The following P3H2 variants were observed in gnomAD, a reference collection of about 807,000 sequenced individuals.
P3H2 encodes prolyl 3-hydroxylase 2.
Under a neutral mutation model 87.0 loss-of-function variants are expected in P3H2, and 80 were observed. The ratio of observed to expected loss-of-function variants is 0.92; its 90% CI spans 0.77 to 1.11. P3H2 has a LOEUF of 1.11. Among genes scored for constraint, P3H2 ranks in the 50% least tolerant of loss-of-function variants. The pLI is 0.00. For synonymous variants in P3H2, 367 were observed against 359.3 expected, an observed-to-expected ratio of 1.02 and a Z score of -0.24; for missense variants, 1,001 against 923.9, an observed-to-expected ratio of 1.08 and a Z score of -1.08.
At chr3:190,039,900 T>C (rs1226768999) in intron 1 of P3H2, among the ~76,000 whole-genome samples, 2 of 152,220 alleles carry the variant, frequency 1.3e-5, no homozygotes, top group African/African-American at 4.8e-5. Flanking sequence ...GAATAATGAA[T>C]GCATTAAGCT....
intron 1 of P3H2, among the ~76,000 whole-genome samples, chr3:190,043,753 A>T (rs1459687025): frequency 2.0e-5 from 3 of 152,212 alleles, no homozygotes; most frequent in African/African-American, 7.2e-5. Flanking sequence ...ATTAGAAACA[A>T]TAATGAGAGT....
intron 1 of P3H2, among the ~76,000 whole-genome samples, chr3:190,113,949 G>A (rs1425422005): frequency 6.7e-6 from 1 of 149,950 alleles, no homozygotes; most frequent in Admixed American, 6.6e-5. Flanking sequence ...GCGTGGAGGC[G>A]GGCGCCTGTA....
intron 9 of P3H2, 91 bp downstream of exon 9, chr3:189,974,467 T>C (rs964395560): frequency 8.5e-6 from 13 of 1,537,228 alleles, no homozygotes; most frequent in Non-Finnish European, 1.2e-5. Flanking sequence ...TCAGGGCTTG[T>C]TGTCTGGCTC....
chr3:190,069,426 A>G (rs981136775), intron 1 of P3H2, among the ~76,000 whole-genome samples: 6 of 152,188 alleles, frequency 3.9e-5, no homozygotes, highest in Non-Finnish European at 8.8e-5. Context: ...CTCAGTGTAA[A>G]TCTTATATAT....
chr3:190,117,861 G>A (rs575924873), intron 1 of P3H2, among the ~76,000 whole-genome samples: 1 of 152,254 alleles, frequency 6.6e-6, no homozygotes, highest in South Asian at 2.1e-4. Flanking sequence ...CTTCTTAAGA[G>A]ATTATCAATT....
At chr3:189,993,098 G>T (rs533412326) in intron 3 of P3H2, among the ~76,000 whole-genome samples, 1 of 151,984 alleles carries the variant, frequency 6.6e-6, no homozygotes, top group African/African-American at 2.4e-5. Flanking sequence ...CGAGGTGGGC[G>T]GATTACCTGA....
chr3:190,017,449 A>C (rs1352455526), intron 1 of P3H2, among the ~76,000 whole-genome samples: 3 of 152,350 alleles, frequency 2.0e-5, no homozygotes, highest in Admixed American at 6.5e-5. Context: ...GATGCAAAAG[A>C]ACTGTTGACT....
chr3:190,096,276 G>T (rs3106333), intron 1 of P3H2, among the ~76,000 whole-genome samples: 1 of 152,044 alleles, frequency 6.6e-6, no homozygotes, highest in Non-Finnish European at 1.5e-5. Flanking sequence ...ACTGGAGAAG[G>T]GGCTTGGTGG....
chr3:190,001,404 C>G (rs1426386671), intron 1 of P3H2, among the ~76,000 whole-genome samples: 1 of 152,176 alleles, frequency 6.6e-6, no homozygotes, highest in Non-Finnish European at 1.5e-5. Context: ...CCATTATTCT[C>G]AAACATCAAC....
chr3:189,957,991 G>A lies in P3H2; in HGVS notation c.2048C>T (p.Ala683Val). The change falls in exon 15 of 15, where the codon GCT becomes GTT. Residue 683 changes from alanine (A) to valine (V), a missense_variant. Transcript: ENST00000319332. ...PLYRELERIQ[A>V]DEVIAILDQE... ...ATCCAGAATTGCAATCACTTCATCA[G>A]CCTGTATTCGCTCCTGCAAAAAAGA... The A allele has an allele frequency of 1.2e-6, 2 of 1,612,862 alleles. No homozygotes were observed. Among genetic ancestry groups the A allele is most frequent in the Non-Finnish European group, 1.7e-6 (2 of 1,178,928 alleles).
intron 1 of P3H2, among the ~76,000 whole-genome samples, chr3:190,062,494 G>A (rs922157752): frequency 6.6e-6 from 1 of 152,100 alleles, no homozygotes; most frequent in African/African-American, 2.4e-5. Flanking sequence ...TAAAACTGTG[G>A]CCCATACATT....
At chr3:190,089,275 G>A (rs781410589) in intron 1 of P3H2, among the ~76,000 whole-genome samples, 20 of 152,134 alleles carry the variant, frequency 1.3e-4, no homozygotes, top group Admixed American at 2.6e-4. Context: ...TGTAAATGAC[G>A]AGTTAATGGG....
intron 1 of P3H2, among the ~76,000 whole-genome samples, chr3:190,059,096 T>C (rs529480892): frequency 2.6e-4 from 39 of 152,282 alleles, no homozygotes; most frequent in African/African-American, 8.2e-4. Context: ...GGATGCAGAC[T>C]CAGACAGGCA....
At chr3:190,021,034 C>T (rs1724915290) in intron 1 of P3H2, among the ~76,000 whole-genome samples, 2 of 134,096 alleles carry the variant, frequency 1.5e-5, no homozygotes, top group African/African-American at 5.2e-5. Context: ...ATCTGAGACC[C>T]CAGGACCCTA....
chr3:190,038,503 A>G (rs998123642), intron 1 of P3H2, among the ~76,000 whole-genome samples: 2 of 151,286 alleles, frequency 1.3e-5, no homozygotes, highest in African/African-American at 4.9e-5. Flanking sequence ...AAAAAAAAAA[A>G]AAAAAAAGTG....
chr3:189,986,679 G>A (rs551865985), intron 6 of P3H2, 109 bp downstream of exon 6: 24 of 799,420 alleles, frequency 3.0e-5, no homozygotes, highest in African/African-American at 2.7e-4. Context: ...GGAGGGCATC[G>A]AAATCTTAGC....
chr3:190,064,369 G>T (rs879673988), intron 1 of P3H2, among the ~76,000 whole-genome samples: 3 of 151,918 alleles, frequency 2.0e-5, no homozygotes, highest in Non-Finnish European at 4.4e-5. Context: ...CTTTGTTTCT[G>T]ATCCTTCCTA....
chr3:190,014,152 G>A (rs1724679835), intron 1 of P3H2, among the ~76,000 whole-genome samples: 1 of 152,218 alleles, frequency 6.6e-6, no homozygotes, highest in South Asian at 2.1e-4. Flanking sequence ...AGGAAAAGAT[G>A]TGATTTGAAT....
rs139040438 is a variant in P3H2 at position 190,080,206 on chromosome 3, T to C, written c.480+40046A>G. Among the ~76,000 whole-genome samples the C allele has an allele frequency of 1.1e-4, 16 of 152,222 alleles. No homozygotes were observed. The East Asian group carries it at 3.1e-3, about 29-fold the overall frequency. On this transcript the variant is annotated intron_variant, in intron 1 of 14. Coordinates refer to ENST00000319332, the MANE Select transcript of P3H2 (RefSeq NM_018192.4). ...CAGACACATGTGTGAGCATGATGCA[T>C]TGAGGCAAACCCAGTATTTGATTGG...
Sources: gnomAD v4.1 joint callset for allele counts (sites outside exome capture counted in the v4.1 genomes callset) on GRCh38, gnomAD v4.1.1 for gene constraint, MANE v1.5 for transcripts, NCBI Gene and HGNC (gene_info 2026-07-23, HGNC 2026-07-21) for gene names.